The following GPR137C variants were observed in gnomAD, a reference collection of about 807,000 sequenced individuals.
GPR137C encodes G protein-coupled receptor 137C, also known as integral membrane protein GPR137C.
A neutral mutation model predicts 43.4 loss-of-function variants in GPR137C; 27 were observed. That is an observed-to-expected ratio of 0.62 (90% CI 0.46 to 0.86). The LOEUF (loss-of-function observed/expected upper bound fraction) is 0.86, where lower values mean the gene tolerates loss of function less well. GPR137C is among the 40% of genes least tolerant of loss of function. The pLI is 0.00. For missense variants in GPR137C, 522 were observed against 534.6 expected (o/e 0.98, Z 0.23); for synonymous variants, 285 against 226.9 (o/e 1.26, Z -2.30).
intron 1 of GPR137C, among the ~76,000 whole-genome samples, chr14:52,554,158 G>T (rs1038943611): frequency 6.6e-6 from 1 of 152,184 alleles, no homozygotes; most frequent in Non-Finnish European, 1.5e-5. Flanking sequence ...TAGTTCCCCA[G>T]CAGGGTTGAT....
chr14:52,599,881 A>G (rs566116897), intron 2 of GPR137C, among the ~76,000 whole-genome samples: 23 of 152,358 alleles, frequency 1.5e-4, no homozygotes, highest in African/African-American at 5.5e-4. Context: ...TATAAAAATG[A>G]AAAATTTGGG....
chr14:52,563,245 T>C (rs1322146112), intron 1 of GPR137C, among the ~76,000 whole-genome samples: 2 of 152,122 alleles, frequency 1.3e-5, no homozygotes, highest in African/African-American at 2.4e-5. Flanking sequence ...ATCAGAGAGG[T>C]TGAGATTTCT....
chr14:52,607,957 A>T (rs1440255316), intron 3 of GPR137C, among the ~76,000 whole-genome samples: 1 of 151,544 alleles, frequency 6.6e-6, no homozygotes, highest in Non-Finnish European at 1.5e-5. Flanking sequence ...TTCCATTTGC[A>T]TGGAATATCT....
chr14:52,602,303 G>GT (rs902588003), intron 3 of GPR137C, among the ~76,000 whole-genome samples: 7 of 151,324 alleles, frequency 4.6e-5, no homozygotes, highest in African/African-American at 1.7e-4. Context: ...ACTTTCTGGG[G>GT]TTTTTTTGGT....
chr14:52,586,443 A>T (rs2139496218), intron 1 of GPR137C, among the ~76,000 whole-genome samples: 1 of 152,280 alleles, frequency 6.6e-6, no homozygotes, highest in Non-Finnish European at 1.5e-5. Context: ...CATACCAGTC[A>T]CTCAATTAAA....
chr14:52,580,459 C>A (rs939729211), intron 1 of GPR137C, among the ~76,000 whole-genome samples: 1 of 152,028 alleles, frequency 6.6e-6, no homozygotes, highest in Admixed American at 6.6e-5. Flanking sequence ...GCCTCTGGGC[C>A]CAAGCAGTTC....
intron 1 of GPR137C, chr14:52,597,006 T>G (rs1260228421): frequency 4.4e-6 from 2 of 455,200 alleles, no homozygotes; most frequent in African/African-American, 4.0e-5. Flanking sequence ...AATGCATTTC[T>G]CAGAACATAT....
At chr14:52,584,627 A>G (rs773623282) in intron 1 of GPR137C, among the ~76,000 whole-genome samples, 2 of 152,042 alleles carry the variant, frequency 1.3e-5, no homozygotes, top group African/African-American at 2.4e-5. Flanking sequence ...GATTCTGACA[A>G]CTTTCACAGG....
chr14:52,607,989 G>A (rs2039000213), intron 3 of GPR137C, among the ~76,000 whole-genome samples: 2 of 152,042 alleles, frequency 1.3e-5, no homozygotes, highest in Admixed American at 1.3e-4. Flanking sequence ...CTCACTTTCA[G>A]TGTATTGTGT....
intron 3 of GPR137C, chr14:52,612,339 C>A: frequency 1.1e-6 from 1 of 901,992 alleles, no homozygotes; most frequent in Non-Finnish European, 1.3e-6. Flanking sequence ...GGCTGCATAA[C>A]ATTTCATCAT....
At chr14:52,556,746 A>G (rs966818371) in intron 1 of GPR137C, among the ~76,000 whole-genome samples, 1 of 152,066 alleles carries the variant, frequency 6.6e-6, no homozygotes, top group African/African-American at 2.4e-5. Flanking sequence ...CACACAATAT[A>G]TCCATGTAAG....
chr14:52,581,105 A>T (rs2038639540), intron 1 of GPR137C, among the ~76,000 whole-genome samples: 1 of 150,506 alleles, frequency 6.6e-6, no homozygotes, highest in Non-Finnish European at 1.5e-5. Context: ...CTGAGGCAGG[A>T]GAATTGCTTG....
chr14:52,637,457 A>C lies in GPR137C; in HGVS notation c.*2342A>C, dbSNP rs1463418163. 6.6e-6 allele frequency: 1 copy of C among 152,090 alleles called. No homozygotes were observed. Among genetic ancestry groups the C allele is most frequent in the East Asian group, 1.9e-4 (1 of 5,194 alleles). The allele number at this position is 152,090 out of a possible 1,614,324, so 9.4% of individuals were successfully genotyped here. A position where few individuals can be genotyped will look rare whatever the true frequency, so the allele number is the denominator to read the frequency against. On this transcript the variant is annotated 3_prime_UTR_variant, in exon 7 of 7. Coordinates refer to ENST00000321662, the MANE Select transcript of GPR137C (RefSeq NM_001099652.2). ...TAGCAGTATTTGTTTTCATCATTTC[A>C]CTTGGGTGGCCATTAATTTTGAAAC...
At chr14:52,629,182 T>C (rs1219534631) in intron 3 of GPR137C, among the ~76,000 whole-genome samples, 1 of 152,214 alleles carries the variant, frequency 6.6e-6, no homozygotes, top group Non-Finnish European at 1.5e-5. Flanking sequence ...AGTATAAAAT[T>C]GTACATCCAT....
intron 1 of GPR137C, among the ~76,000 whole-genome samples, chr14:52,561,671 A>G (rs1285267493): frequency 1.3e-5 from 2 of 152,232 alleles, no homozygotes; most frequent in Admixed American, 6.5e-5. Context: ...TACTGACACA[A>G]CAACGTGGAT....
At chr14:52,562,109 T>C (rs2038293809) in intron 1 of GPR137C, among the ~76,000 whole-genome samples, 1 of 152,138 alleles carries the variant, frequency 6.6e-6, no homozygotes, top group South Asian at 2.1e-4. Context: ...ATCTAATTTA[T>C]GTTAGAAAAA....
intron 3 of GPR137C, among the ~76,000 whole-genome samples, chr14:52,622,330 G>A (rs369167121): frequency 7.2e-5 from 11 of 151,892 alleles, no homozygotes; most frequent in South Asian, 2.1e-4. Flanking sequence ...GTAACATCGC[G>A]CATTAATCAT....
chr14:52,619,657 T>C (rs1454860948), intron 3 of GPR137C, among the ~76,000 whole-genome samples: 4 of 152,082 alleles, frequency 2.6e-5, no homozygotes, highest in African/African-American at 9.7e-5. Context: ...ACCCTTTTAC[T>C]CTATGAGCTA....
intron 1 of GPR137C, among the ~76,000 whole-genome samples, chr14:52,573,113 A>C (rs1345129503): frequency 6.6e-6 from 1 of 152,208 alleles, no homozygotes; most frequent in Non-Finnish European, 1.5e-5. Context: ...GCTCATGGAT[A>C]GAAGAATCAA....
Sources: allele counts gnomAD v4.1 joint callset (sites outside exome capture counted in the v4.1 genomes callset), GRCh38; gene constraint gnomAD v4.1.1; transcripts MANE v1.5; gene names NCBI Gene and HGNC (gene_info 2026-07-23, HGNC 2026-07-21).